The following MGST1 variants were observed in gnomAD, a reference collection of about 807,000 sequenced individuals.
MGST1 encodes the protein microsomal glutathione S-transferase 1.
In MGST1, 5 loss-of-function variants were observed where a neutral mutation model predicts 8.9. That is an observed-to-expected ratio of 0.56 (90% CI 0.29 to 1.19). MGST1 has a LOEUF of 1.19. Ranked by LOEUF, MGST1 falls within the 50% of genes most tolerant of loss-of-function variation. The probability of loss-of-function intolerance (pLI) is 0.08; values close to 1 mark genes in which losing one functional copy is unlikely to be tolerated. For synonymous variants in MGST1, 54 were observed against 67.8 expected (o/e 0.80, Z 1.00); for missense variants, 182 against 187.4 (o/e 0.97, Z 0.17).
downstream of MGST1, chr12:16,364,549 TTCTC>T (rs1020054060): frequency 3.5e-5 from 10 of 281,916 alleles, no homozygotes; most frequent in South Asian, 1.4e-4. This position sits in a 1 kb window ranked among gnomAD's most constrained non-coding sequence, Gnocchi z 5.7. Context: ...TTTGCTTTCC[TTCTC>T]TCTCTGTTTT....
intron 4 of MGST1, among the ~76,000 whole-genome samples, chr12:16,533,488 G>A (rs768345819): frequency 6.6e-5 from 10 of 152,042 alleles, no homozygotes; most frequent in Non-Finnish European, 1.3e-4. Context: ...CTTTTTTCTC[G>A]GTTAATTTTT....
upstream of MGST1, chr12:16,347,159 G>A (rs959868087): frequency 6.6e-6 from 1 of 152,188 alleles, no homozygotes; most frequent in African/African-American, 2.4e-5. This position sits in a 1 kb window ranked among gnomAD's most constrained non-coding sequence, Gnocchi z 4.0. Flanking sequence ...AAAGCAAATT[G>A]TCTGGTATCA....
intron 4 of MGST1, among the ~76,000 whole-genome samples, chr12:16,480,921 A>G (rs1205477433): frequency 6.6e-6 from 1 of 152,200 alleles, no homozygotes; most frequent in Non-Finnish European, 1.5e-5. Flanking sequence ...AGACAAACAA[A>G]CAAAAAAACA....
chr12:16,536,030 A>G (rs907612411), intron 4 of MGST1, among the ~76,000 whole-genome samples: 2 of 151,670 alleles, frequency 1.3e-5, no homozygotes, highest in Non-Finnish European at 2.9e-5. Context: ...TGGAAGGGTT[A>G]TTTAGTCTCC....
chr12:16,567,409 A>T (rs911834097), intron 4 of MGST1: 1 of 152,706 alleles, frequency 6.5e-6, no homozygotes, highest in Non-Finnish European at 1.5e-5. Flanking sequence ...TAACTCAGGG[A>T]TAGAATACGA....
intron 4 of MGST1, among the ~76,000 whole-genome samples, chr12:16,570,206 G>C (rs1352013641): frequency 6.6e-6 from 1 of 152,062 alleles, no homozygotes; most frequent in Non-Finnish European, 1.5e-5. Flanking sequence ...AAATTGAATA[G>C]GGTTTTCTAG....
At chr12:16,456,966 T>A (rs74491494) in intron 4 of MGST1, among the ~76,000 whole-genome samples, 3,278 of 152,098 alleles carry the variant, frequency 0.022, 116 homozygotes, top group African/African-American at 0.075. Context: ...TGGTTTACTC[T>A]GTTCCTTCCA....
chr12:16,354,017 C>G (rs145047176), intron 1 of MGST1, among the ~76,000 whole-genome samples: 1 of 152,214 alleles, frequency 6.6e-6, no homozygotes, highest in African/African-American at 2.4e-5. Flanking sequence ...GCCTCGGCCT[C>G]CCAAAGTGCT....
intron 1 of MGST1, among the ~76,000 whole-genome samples, chr12:16,430,985 G>A (rs1435263194): frequency 1.3e-5 from 2 of 152,216 alleles, no homozygotes; most frequent in Admixed American, 6.5e-5. Context: ...ATCTTAGCCA[G>A]ATCTTCTACA....
Position 16,364,210 on chromosome 12 carries a change from A to G in MGST1, c.*169A>G. 1 of 1,288,308 alleles carries G rather than the reference A, an allele frequency of 7.8e-7. No individual in the cohort carries two copies. The highest frequency in any genetic ancestry group is 9.8e-7 in the Non-Finnish European group (1 of 1,017,460). 79.8% of individuals were successfully genotyped at this position (1,288,308 alleles called of 1,614,324 possible). On this transcript the variant is annotated 3_prime_UTR_variant, in exon 4 of 4. Transcript: ENST00000396210. The surrounding 1 kb of genome is among the most constrained non-coding windows in gnomAD (Gnocchi z 5.7). ...CCAATATCCTGTATTCTTGTTTTAC[A>G]TTTGGATTAGAAATTTAACATAGTA...
At chr12:16,543,123 A>T (rs965533256) in intron 4 of MGST1, among the ~76,000 whole-genome samples, 1 of 152,136 alleles carries the variant, frequency 6.6e-6, no homozygotes, top group Non-Finnish European at 1.5e-5. Context: ...TCTTCATTAC[A>T]TTCCTCACAG....
rs552770132 is a variant in MGST1 at position 16,576,253 on chromosome 12, T to C, written n.483-13275T>C. On this transcript the variant is annotated intron_variant and non_coding_transcript_variant, in intron 4 of 4. Transcript: ENST00000538857. The surrounding 1 kb of genome is among the most constrained non-coding windows in gnomAD (Gnocchi z 4.1). ...CATAGCTCCCCTACTGTATGCAGGATAGATGCAGGGAAGCATGAAAGGTCC... is the reference window on the plus strand; with the variant it reads ...CATAGCTCCCCTACTGTATGCAGGACAGATGCAGGGAAGCATGAAAGGTCC... Among the ~76,000 whole-genome samples the C allele has an allele frequency of 6.6e-6, 1 of 152,272 alleles. No homozygotes were observed. The highest frequency in any genetic ancestry group is 2.4e-5 in the African/African-American group (1 of 41,558).
chr12:16,568,962 A>G (rs1942716013), intron 4 of MGST1, among the ~76,000 whole-genome samples: 1 of 152,228 alleles, frequency 6.6e-6, no homozygotes, highest in Non-Finnish European at 1.5e-5. Flanking sequence ...CTAACTTGAA[A>G]CTTAAAAATA....
Position 16,361,570 on chromosome 12 carries a change from G to T in MGST1, c.222-2225G>T, listed in dbSNP as rs574146186. Among the ~76,000 whole-genome samples the T allele has an allele frequency of 1.3e-5, 2 of 152,316 alleles. No homozygotes were observed. Among genetic ancestry groups the T allele is most frequent in the East Asian group, 3.9e-4 (2 of 5,180 alleles). On this transcript the variant is annotated intron_variant, in intron 3 of 3. Transcript: ENST00000396210. This position sits in a 1 kb window ranked among gnomAD's most constrained non-coding sequence, Gnocchi z 4.2. ...AAATGGCACTAACGTGAAGGAAGCT[G>T]CCGCTCCAGGAAGGAGTCTGTCGTT...
At chr12:16,549,310 C>CTTTCT (rs1941902802) in intron 4 of MGST1, 1 of 152,074 alleles carries the variant, frequency 6.6e-6, no homozygotes, top group Non-Finnish European at 1.5e-5. Flanking sequence ...TTTTGAATTT[C>CTTTCT]TTTCTTTAGT....
intron 4 of MGST1, among the ~76,000 whole-genome samples, chr12:16,519,481 G>C (rs1565468348): frequency 6.6e-6 from 1 of 152,186 alleles, no homozygotes; most frequent in Non-Finnish European, 1.5e-5. Context: ...AGTGGGAACT[G>C]TAGTAGCTGG....
At chr12:16,364,506 G>A, downstream of MGST1, 1 of 522,252 alleles carries the variant, frequency 1.9e-6, no homozygotes, top group Non-Finnish European at 2.5e-6. The surrounding 1 kb of genome is among the most constrained non-coding windows in gnomAD (Gnocchi z 5.7). Flanking sequence ...TCTGTACCCT[G>A]CTTAGAATCG....
At chr12:16,354,480 A>G in intron 2 of MGST1, 102 bp downstream of exon 2, 1 of 1,163,738 alleles carries the variant, frequency 8.6e-7, no homozygotes, top group Non-Finnish European at 1.2e-6. Context: ...GCCCAATAGC[A>G]CACTGTTTTA....
At chr12:16,475,212 G>C (rs1941314956) in intron 4 of MGST1, among the ~76,000 whole-genome samples, 1 of 152,040 alleles carries the variant, frequency 6.6e-6, no homozygotes, top group Admixed American at 6.6e-5. Flanking sequence ...GTTGTTTAAT[G>C]AATGTTAAAT....
Sources: gnomAD v4.1 joint callset for allele counts (sites outside exome capture counted in the v4.1 genomes callset) on GRCh38, gnomAD v4.1.1 for gene constraint, Gnocchi (gnomAD v3.1) non-coding constraint, MANE v1.5 for transcripts, NCBI Gene and HGNC (gene_info 2026-07-23, HGNC 2026-07-21) for gene names.